PDE4D: variants seen among roughly 807,000 people sequenced by gnomAD.
The protein encoded by PDE4D is 3',5'-cyclic-AMP phosphodiesterase 4D.
Under a neutral mutation model 87.4 loss-of-function variants are expected in PDE4D, and 24 were observed. The observed-to-expected ratio is 0.27, with a 90% CI of 0.20 to 0.39. The LOEUF is 0.39. Ranked by LOEUF, PDE4D falls within the 10% of genes least tolerant of loss-of-function variation. The pLI, the probability that PDE4D is intolerant of heterozygous loss-of-function variation, is 1.00. For missense variants in PDE4D, 714 were observed against 1,041.0 expected, an observed-to-expected ratio of 0.69 and a Z score of 4.32; for synonymous variants, 384 against 383.2, an observed-to-expected ratio of 1.00 and a Z score of -0.02.
intron 1 of PDE4D, among the ~76,000 whole-genome samples, chr5:59,777,786 C>CT (rs1408097688): frequency 6.6e-6 from 1 of 152,108 alleles, no homozygotes; most frequent in African/African-American, 2.4e-5. Flanking sequence ...TCTAAAATAA[C>CT]TTATATAACA....
chr5:60,391,132 TTA>T (rs1413782565), intron 1 of PDE4D, among the ~76,000 whole-genome samples: 4 of 152,172 alleles, frequency 2.6e-5, no homozygotes, highest in African/African-American at 4.8e-5. Context: ...GCAAGATTTT[TTA>T]TGTCTTGTTT....
chr5:59,995,904 T>C (rs1763484888), intron 2 of PDE4D, among the ~76,000 whole-genome samples: 1 of 152,154 alleles, frequency 6.6e-6, no homozygotes. Context: ...CATATAGACA[T>C]ACTCATCTCC....
chr5:59,394,139 C>G (rs949432848), intron 1 of PDE4D, among the ~76,000 whole-genome samples: 1 of 152,092 alleles, frequency 6.6e-6, no homozygotes, highest in Admixed American at 6.5e-5. Context: ...GTCCAAGACC[C>G]ACAGAGATCT....
chr5:59,764,575 C>G (rs1229833744), intron 1 of PDE4D, among the ~76,000 whole-genome samples: 1 of 150,904 alleles, frequency 6.6e-6, no homozygotes, highest in East Asian at 1.9e-4. Flanking sequence ...CAAGAGAAGT[C>G]TAGATAAAAA....
At chr5:60,428,907 C>T (rs1434955361) in intron 1 of PDE4D, among the ~76,000 whole-genome samples, 1 of 152,166 alleles carries the variant, frequency 6.6e-6, no homozygotes, top group African/African-American at 2.4e-5. Context: ...TGGAACCAGA[C>T]AGACTTCGGT....
chr5:59,894,430 A>C (rs934913810), upstream of PDE4D, among the ~76,000 whole-genome samples: 1 of 152,118 alleles, frequency 6.6e-6, no homozygotes, highest in Non-Finnish European at 1.5e-5. Context: ...AGTAAGATTA[A>C]TTCAGTCTCT....
At chr5:60,280,650 G>T (rs561793517) in intron 1 of PDE4D, among the ~76,000 whole-genome samples, 65 of 152,234 alleles carry the variant, frequency 4.3e-4, no homozygotes, top group Admixed American at 1.4e-3. Context: ...GTCAGAGGCT[G>T]CTGGAACAAA....
At chr5:59,812,059 C>T (rs563154943) in intron 1 of PDE4D, among the ~76,000 whole-genome samples, 2 of 152,244 alleles carry the variant, frequency 1.3e-5, no homozygotes, top group South Asian at 4.1e-4. Context: ...CAACCACTGC[C>T]ATCTTTTCTG....
intron 1 of PDE4D, chr5:59,217,186 A>C (rs1163850415): frequency 2.2e-6 from 1 of 455,696 alleles, no homozygotes; most frequent in Non-Finnish European, 4.4e-6. Flanking sequence ...AATAAAGTCA[A>C]CTTTCATGTG....
intron 1 of PDE4D, among the ~76,000 whole-genome samples, chr5:59,817,011 G>A (rs948517803): frequency 5.3e-5 from 8 of 152,186 alleles, no homozygotes; most frequent in Non-Finnish European, 4.4e-5. Flanking sequence ...AGGGGTAAGT[G>A]AGCAGGGGTA....
chr5:59,830,371 G>A (rs185928656), intron 1 of PDE4D, among the ~76,000 whole-genome samples: 1 of 152,050 alleles, frequency 6.6e-6, no homozygotes, highest in East Asian at 1.9e-4. Context: ...AAACTCAAAA[G>A]GCTGAAAAAG....
rs1487649885 is a variant in PDE4D at position 59,733,124 on chromosome 5, G to C, written c.455+160044C>G. ...AGGAGAAAATAACACTTATTTACAG[G>C]ATGAAAAGGTCAGCTCCACATAGTT... On this transcript the variant is annotated intron_variant, in intron 1 of 14. Transcript: ENST00000340635. 3.3e-5 allele frequency among the ~76,000 whole-genome samples: 5 copies of C among 152,076 alleles called. No individual in the cohort carries two copies. The East Asian group carries it at 9.6e-4, about 29-fold the overall frequency.
At chr5:60,080,887 G>T (rs1773852296) in intron 2 of PDE4D, among the ~76,000 whole-genome samples, 1 of 152,164 alleles carries the variant, frequency 6.6e-6, no homozygotes, top group Non-Finnish European at 1.5e-5. Flanking sequence ...GATGATGCTG[G>T]CTTCATAAAA....
chr5:59,203,646 A>ACACACAC (rs1205713667), intron 2 of PDE4D, among the ~76,000 whole-genome samples: 1 of 150,252 alleles, frequency 6.7e-6, no homozygotes, highest in African/African-American at 2.5e-5. Context: ...CACACACACT[A>ACACACAC]GAATCCTACT....
At chr5:59,064,806 C>T (rs984574450) in intron 5 of PDE4D, among the ~76,000 whole-genome samples, 1 of 151,916 alleles carries the variant, frequency 6.6e-6, no homozygotes, top group Non-Finnish European at 1.5e-5. Flanking sequence ...TAGCTTTTTT[C>T]CCCACCATTC....
intron 1 of PDE4D, among the ~76,000 whole-genome samples, chr5:59,428,932 TAAATACTAATTATTGTA>T (rs1030727773): frequency 6.6e-6 from 1 of 152,174 alleles, no homozygotes; most frequent in African/African-American, 2.4e-5. Flanking sequence ...CCTATACAAT[TAAATACTAATTATTGTA>T]AAATGCCTTT....
chr5:60,454,271 C>T (rs1746300889), intron 1 of PDE4D, among the ~76,000 whole-genome samples: 1 of 152,082 alleles, frequency 6.6e-6, no homozygotes, highest in East Asian at 1.9e-4. Flanking sequence ...ACCTGAAATA[C>T]CATTTGACCC....
At position 59,660,408 on chromosome 5, in the gene PDE4D, CTTTTA is replaced by C. The variant is rs1167960901; in HGVS notation, c.455+232755_455+232759del. Among the ~76,000 whole-genome samples the C allele has an allele frequency of 3.9e-5, 6 of 152,148 alleles. No homozygotes were observed. The East Asian group carries it at 7.7e-4, about 20-fold the overall frequency. ...TGAAACCAATATTTAAAACCACTTC[CTTTTA>C]TTTATTTTTTCTCTCTCAAAAACAA... is the stretch of plus-strand genomic sequence containing the variant. On this transcript the variant is annotated intron_variant, in intron 1 of 14. Coordinates refer to ENST00000340635, the MANE Select transcript of PDE4D (RefSeq NM_001104631.2).
chr5:59,638,017 A>G (rs930159408), intron 1 of PDE4D, among the ~76,000 whole-genome samples: 1 of 152,218 alleles, frequency 6.6e-6, no homozygotes, highest in African/African-American at 2.4e-5. Flanking sequence ...GAGTGTAGAC[A>G]TTTAACCAAA....
Sources: allele counts gnomAD v4.1 joint callset (sites outside exome capture counted in the v4.1 genomes callset), GRCh38; gene constraint gnomAD v4.1.1; transcripts MANE v1.5; gene names NCBI Gene and HGNC (gene_info 2026-07-23, HGNC 2026-07-21).